Variants in AIG1 observed in about 807,000 individuals in gnomAD.
AIG1 encodes the protein androgen induced 1, also known as androgen-induced gene 1 protein.
Under a neutral mutation model 31.4 loss-of-function variants are expected in AIG1, and 23 were observed. The ratio of observed to expected loss-of-function variants is 0.73; its 90% CI spans 0.53 to 1.04. The LOEUF (loss-of-function observed/expected upper bound fraction) is 1.04, where lower values mean the gene tolerates loss of function less well. AIG1 is among the 50% of genes least tolerant of loss of function. AIG1 has a pLI of 0.00. For missense variants in AIG1, 274 were observed against 295.0 expected, an observed-to-expected ratio of 0.93 and a Z score of 0.52; for synonymous variants, 100 against 110.5, an observed-to-expected ratio of 0.90 and a Z score of 0.60.
At chr6:143,237,933 T>G (rs1793933033) in intron 3 of AIG1, among the ~76,000 whole-genome samples, 1 of 152,168 alleles carries the variant, frequency 6.6e-6, no homozygotes, top group Non-Finnish European at 1.5e-5. Flanking sequence ...ACCCATTTTA[T>G]TTATTTATTT....
chr6:143,084,037 A>G (rs902575771), intron 1 of AIG1, among the ~76,000 whole-genome samples: 11 of 152,204 alleles, frequency 7.2e-5, no homozygotes, highest in African/African-American at 2.7e-4. Flanking sequence ...TGGCTGTCAT[A>G]GGACCCCTCA....
rs142365743 is a variant in AIG1 at position 143,221,882 on chromosome 6, A to G, written c.399+56699A>G. On this transcript the variant is annotated intron_variant, in intron 3 of 5. Coordinates refer to ENST00000357847, the MANE Select transcript of AIG1 (RefSeq NM_016108.4). ...GATCAGTATTTTTGGATCTAGATTCACAGTGGAGCATGCAGTTTTCTGGCT... is the reference window on the plus strand; with the variant it reads ...GATCAGTATTTTTGGATCTAGATTCGCAGTGGAGCATGCAGTTTTCTGGCT... 1.1e-3 allele frequency among the ~76,000 whole-genome samples: 167 copies of G among 152,264 alleles called. 1 individual carries two copies. The highest frequency in any genetic ancestry group is 3.8e-3 in the African/African-American group (157 of 41,550).
intron 4 of AIG1, among the ~76,000 whole-genome samples, chr6:143,314,571 G>A (rs866494181): frequency 1.3e-5 from 2 of 151,988 alleles, no homozygotes; most frequent in South Asian, 4.2e-4. Context: ...ATTTACAATA[G>A]CACCAAAAAA....
intron 4 of AIG1, among the ~76,000 whole-genome samples, chr6:143,312,071 A>C (rs2128707739): frequency 6.6e-6 from 1 of 152,250 alleles, no homozygotes; most frequent in East Asian, 1.9e-4. Context: ...ACACACAAAA[A>C]GCGGAAGGAT....
intron 3 of AIG1, among the ~76,000 whole-genome samples, chr6:143,203,051 A>G (rs1191926167): frequency 6.6e-6 from 1 of 152,228 alleles, no homozygotes; most frequent in Non-Finnish European, 1.5e-5. Context: ...GTAATGAACC[A>G]GATACCTCCC....
chr6:143,065,853 G>T (rs990674504), intron 1 of AIG1, among the ~76,000 whole-genome samples: 1 of 152,216 alleles, frequency 6.6e-6, no homozygotes, highest in Non-Finnish European at 1.5e-5. Flanking sequence ...TTAAAATATT[G>T]ATGATGGATG....
In AIG1 at chr6:143,280,457, A is replaced by G. The variant is rs1476964263; in HGVS notation, c.400-3653A>G. On this transcript the variant is annotated intron_variant, in intron 3 of 5. Coordinates refer to ENST00000357847, the MANE Select transcript of AIG1 (RefSeq NM_016108.4). The surrounding 1 kb of genome is among the most constrained non-coding windows in gnomAD (Gnocchi z 4.1). ...TGCAGCACCACTCACAATAGCGAAA[A>G]CATGGAATCAACCTAAATGCCTATC... 2.0e-5 allele frequency among the ~76,000 whole-genome samples: 3 copies of G among 152,218 alleles called. No homozygotes were observed. Among genetic ancestry groups the G allele is most frequent in the Non-Finnish European group, 4.4e-5 (3 of 68,038 alleles).
chr6:143,106,429 A>G (rs1450647623), intron 1 of AIG1, among the ~76,000 whole-genome samples: 2 of 152,220 alleles, frequency 1.3e-5, no homozygotes, highest in Admixed American at 6.5e-5. Context: ...GCCCTAGCAG[A>G]CAAATGCATG....
chr6:143,102,006 T>A (rs1316152392), intron 1 of AIG1, among the ~76,000 whole-genome samples: 1 of 152,180 alleles, frequency 6.6e-6, no homozygotes, highest in Non-Finnish European at 1.5e-5. Context: ...TAGCAAAGTT[T>A]GGGAAACAGA....
At chr6:143,177,851 G>A (rs1434999740) in intron 3 of AIG1, among the ~76,000 whole-genome samples, 1 of 152,190 alleles carries the variant, frequency 6.6e-6, no homozygotes, top group African/African-American at 2.4e-5. Flanking sequence ...GCATGAAACC[G>A]ATCTGCTGCT....
chr6:143,225,057 T>C lies in AIG1; in HGVS notation c.400-59053T>C, dbSNP rs184540106. Among the ~76,000 whole-genome samples, 340 of 152,312 alleles carry C rather than the reference T, an allele frequency of 2.2e-3. 1 individual carries two copies. The highest frequency in any genetic ancestry group is 7.9e-3 in the African/African-American group (328 of 41,560). On this transcript the variant is annotated intron_variant, in intron 3 of 5. Coordinates refer to ENST00000357847, the MANE Select transcript of AIG1 (RefSeq NM_016108.4). ...TTTCCTCCGACTTAATTCCAAGCACTGTCCTTTGTCTATACCAGGTTCTTG... is the reference window on the plus strand; with the variant it reads ...TTTCCTCCGACTTAATTCCAAGCACCGTCCTTTGTCTATACCAGGTTCTTG...
Position 143,325,434 on chromosome 6 carries a change from A to G in AIG1, c.516-7848A>G, listed in dbSNP as rs1024723921. 6.6e-6 allele frequency among the ~76,000 whole-genome samples: 1 copy of G among 152,178 alleles called. No homozygotes were observed. The highest frequency in any genetic ancestry group is 1.5e-5 in the Non-Finnish European group (1 of 68,026). ...TCCTTTCTTCAAAGTCCAAATCCAT[A>G]GAACTGACTGCCTTCAGAACATCTC... On this transcript the variant is annotated intron_variant, in intron 4 of 5. Transcript: ENST00000357847. The surrounding 1 kb of genome is among the most constrained non-coding windows in gnomAD (Gnocchi z 4.3).
chr6:143,139,106 G>T (rs1364168775), intron 2 of AIG1, among the ~76,000 whole-genome samples: 2 of 152,116 alleles, frequency 1.3e-5, no homozygotes, highest in Non-Finnish European at 2.9e-5. Context: ...GAAGCTTGAA[G>T]TATATGTCAA....
chr6:143,188,951 T>C, intron 3 of AIG1: 1 of 984,000 alleles, frequency 1.0e-6, no homozygotes, highest in Non-Finnish European at 1.2e-6. Context: ...GACTCATCAT[T>C]TTGTAGTTAA....
At position 143,188,203 on chromosome 6, in the gene AIG1, G is replaced by A. The variant is rs188697075; in HGVS notation, c.399+23020G>A. On this transcript the variant is annotated intron_variant, in intron 3 of 5. Transcript: ENST00000357847. ...TCTCTTTACTCGTAAGCTGCCCATC[G>A]ATATGATTTAGACTCTAGGAGAGGG... The A allele has an allele frequency of 3.3e-3, 3,312 of 994,966 alleles. 8 individuals are homozygous for A. The highest frequency in any genetic ancestry group is 3.9e-3 in the Non-Finnish European group (3,219 of 835,350). 61.6% of individuals were successfully genotyped at this position (994,966 alleles called of 1,614,324 possible).
intron 3 of AIG1, among the ~76,000 whole-genome samples, chr6:143,237,188 G>A (rs1793870724): frequency 6.6e-6 from 1 of 152,106 alleles, no homozygotes; most frequent in African/African-American, 2.4e-5. Flanking sequence ...TAATTTTTCA[G>A]TCCTTAAACA....
intron 1 of AIG1, among the ~76,000 whole-genome samples, chr6:143,124,108 A>G (rs1014167379): frequency 6.6e-6 from 1 of 152,238 alleles, no homozygotes; most frequent in African/African-American, 2.4e-5. Flanking sequence ...GGTGAATTAC[A>G]TGCTATCATA....
At chr6:143,066,523 T>C (rs1282089772) in intron 1 of AIG1, among the ~76,000 whole-genome samples, 4 of 152,180 alleles carry the variant, frequency 2.6e-5, no homozygotes, top group African/African-American at 9.6e-5. Context: ...TCTGTCTGCA[T>C]TGGCCTCCCA....
intron 3 of AIG1, among the ~76,000 whole-genome samples, chr6:143,197,409 G>A (rs1790334867): frequency 6.6e-6 from 1 of 152,110 alleles, no homozygotes; most frequent in African/African-American, 2.4e-5. Context: ...TAGAGGTTTT[G>A]AGCAAGTTTT....
Sources: allele counts gnomAD v4.1 joint callset (sites outside exome capture counted in the v4.1 genomes callset), GRCh38; gene constraint gnomAD v4.1.1; non-coding constraint Gnocchi (gnomAD v3.1); transcripts MANE v1.5; gene names NCBI Gene and HGNC (gene_info 2026-07-23, HGNC 2026-07-21).